Variants in PLCB4 observed in about 807,000 individuals in gnomAD.
The protein encoded by PLCB4 is phospholipase C beta 4.
PLCB4 carries 77 observed loss-of-function variants against 178.8 expected under a neutral mutation model. The ratio of observed to expected loss-of-function variants is 0.43; its 90% confidence interval spans 0.36 to 0.52. The LOEUF is 0.52. Ranked by LOEUF, PLCB4 falls within the 20% of genes least tolerant of loss-of-function variation. The probability of loss-of-function intolerance (pLI) is 0.00; values close to 1 mark genes in which losing one functional copy is unlikely to be tolerated. For synonymous variants in PLCB4, 496 were observed against 490.8 expected, an observed-to-expected ratio of 1.01 and a Z score of -0.14; for missense variants, 1,024 against 1,453.4, an observed-to-expected ratio of 0.70 and a Z score of 4.80.
At chr20:9,359,283 C>T (rs2148213981) in intron 7 of PLCB4, among the ~76,000 whole-genome samples, 2 of 152,084 alleles carry the variant, frequency 1.3e-5, no homozygotes, top group East Asian at 3.9e-4. Flanking sequence ...TTGGACAGGG[C>T]CTGGGGTGGT....
At chr20:9,182,521 G>A (rs748748560) in intron 2 of PLCB4, among the ~76,000 whole-genome samples, 7 of 152,204 alleles carry the variant, frequency 4.6e-5, no homozygotes, top group Non-Finnish European at 8.8e-5. Flanking sequence ...AGATGCATCT[G>A]TAGTATTTAC....
At chr20:9,076,591 C>G (rs561495228) in intron 1 of PLCB4, among the ~76,000 whole-genome samples, 1 of 152,298 alleles carries the variant, frequency 6.6e-6, no homozygotes, top group East Asian at 1.9e-4. Flanking sequence ...CACAAGATGT[C>G]CCCCCTGCTA....
chr20:9,346,295 A>G (rs192603886), intron 7 of PLCB4, among the ~76,000 whole-genome samples: 153 of 152,336 alleles, frequency 1.0e-3, no homozygotes, highest in Admixed American at 2.4e-3. Context: ...CAAGTTAGAG[A>G]ATCACTGCTA....
At chr20:9,296,805 CA>C (rs1251052069) in intron 3 of PLCB4, among the ~76,000 whole-genome samples, 1 of 150,796 alleles carries the variant, frequency 6.6e-6, no homozygotes, top group African/African-American at 2.4e-5. Context: ...GGGAATTGAA[CA>C]ATGAGAACAC....
intron 26 of PLCB4, 65 bp downstream of exon 26, chr20:9,419,974 T>A: frequency 1.0e-6 from 1 of 962,040 alleles, no homozygotes; most frequent in Non-Finnish European, 1.7e-6. Flanking sequence ...AAAGAAATTA[T>A]AAAATATTGA....
intron 18 of PLCB4, 93 bp from the exon 19 acceptor site, chr20:9,395,430 C>G (rs2148437095): frequency 1.2e-6 from 1 of 814,274 alleles, no homozygotes; most frequent in Non-Finnish European, 2.1e-6. Flanking sequence ...TTTCTTCTCT[C>G]TTTTCACGTC....
intron 32 of PLCB4, among the ~76,000 whole-genome samples, chr20:9,450,841 T>G (rs2042726205): frequency 6.6e-6 from 1 of 151,432 alleles, no homozygotes; most frequent in Admixed American, 6.6e-5. Flanking sequence ...TAGAGTTGGG[T>G]TTTTGCCATG....
chr20:9,411,705 T>G (rs995272430), intron 25 of PLCB4, among the ~76,000 whole-genome samples: 8 of 145,034 alleles, frequency 5.5e-5, no homozygotes, highest in Admixed American at 5.4e-4. Flanking sequence ...AATATAAAAT[T>G]AGAATTCTCT....
chr20:9,116,838 C>G (rs2091796815), intron 2 of PLCB4, among the ~76,000 whole-genome samples: 1 of 152,144 alleles, frequency 6.6e-6, no homozygotes, highest in Admixed American at 6.6e-5. Context: ...TATGCTGGCT[C>G]TAACTATTGA....
chr20:9,413,717 CT>C (rs2040036544), intron 25 of PLCB4, among the ~76,000 whole-genome samples: 1 of 149,766 alleles, frequency 6.7e-6, no homozygotes, highest in African/African-American at 2.5e-5. Context: ...CCTAGAATTT[CT>C]GCTTAGCCAT....
intron 3 of PLCB4, among the ~76,000 whole-genome samples, chr20:9,224,174 G>A (rs1390996013): frequency 6.6e-6 from 1 of 152,086 alleles, no homozygotes; most frequent in Non-Finnish European, 1.5e-5. Context: ...CTATTTTTGG[G>A]CAATATCATC....
intron 32 of PLCB4, among the ~76,000 whole-genome samples, chr20:9,446,458 C>T (rs1323783029): frequency 6.6e-6 from 1 of 152,222 alleles, no homozygotes; most frequent in Non-Finnish European, 1.5e-5. Flanking sequence ...ATTTTTAGAA[C>T]TTAACCTACA....
chr20:9,236,054 T>C (rs1255467667), intron 3 of PLCB4, among the ~76,000 whole-genome samples: 1 of 152,272 alleles, frequency 6.6e-6, no homozygotes, highest in Non-Finnish European at 1.5e-5. Flanking sequence ...AACAGGACAT[T>C]CCCAATATGC....
chr20:9,108,555 G>A (rs1381054808), intron 2 of PLCB4, among the ~76,000 whole-genome samples: 1 of 151,924 alleles, frequency 6.6e-6, no homozygotes, highest in African/African-American at 2.4e-5. Context: ...TGAATTCCTT[G>A]CTGAGGTATG....
rs148673907 is a variant in PLCB4, at chr20:9,201,289, C to T, written c.-78-16101C>T. On this transcript the variant is annotated intron_variant, in intron 2 of 39. Coordinates refer to ENST00000378473, the MANE Select transcript of PLCB4 (RefSeq NM_001377142.1). Reference sequence around the variant, plus strand: ...AAACTGCCTTTTATAATAAAATGTACCTGTGTGTATAGTACTGTATATATA... The same window carrying T: ...AAACTGCCTTTTATAATAAAATGTATCTGTGTGTATAGTACTGTATATATA... Among the ~76,000 whole-genome samples, 334 of 152,048 alleles carry T rather than the reference C, an allele frequency of 2.2e-3. 3 individuals carry two copies. The highest frequency in any genetic ancestry group is 7.4e-3 in the African/African-American group (305 of 41,480).
chr20:9,394,113 A>G (rs1048856584), intron 18 of PLCB4, among the ~76,000 whole-genome samples: 1 of 152,200 alleles, frequency 6.6e-6, no homozygotes, highest in African/African-American at 2.4e-5. Flanking sequence ...AGAGATCTAG[A>G]GACAAATGAT....
At position 9,274,451 on chromosome 20, in the gene PLCB4, C is replaced by G. The variant is rs2094434190; in HGVS notation, c.-15-33349C>G. 2.6e-5 allele frequency among the ~76,000 whole-genome samples: 4 copies of G among 152,172 alleles called. No individual in the cohort carries two copies. The South Asian group carries it at 8.3e-4, about 32-fold the overall frequency. On this transcript the variant is annotated intron_variant, in intron 3 of 39. Transcript: ENST00000378473. The stretch of plus-strand genomic sequence containing the variant: ...TCAGTATCTTAATGGGCACCATACT[C>G]CTTAGATATTAAGACTGAATCTGAC...
chr20:9,125,433 C>T (rs2146777085), intron 2 of PLCB4, among the ~76,000 whole-genome samples: 1 of 151,996 alleles, frequency 6.6e-6, no homozygotes, highest in Admixed American at 6.6e-5. Flanking sequence ...ACTTGTTCCA[C>T]ATTTTTAAAT....
intron 20 of PLCB4, among the ~76,000 whole-genome samples, chr20:9,404,093 A>C (rs1325973056): frequency 6.6e-6 from 1 of 152,276 alleles, no homozygotes; most frequent in East Asian, 1.9e-4. Flanking sequence ...TTTCGGATGA[A>C]TGAATCTGGA....
Sources: allele counts gnomAD v4.1 joint callset (sites outside exome capture counted in the v4.1 genomes callset), GRCh38; gene constraint gnomAD v4.1.1; transcripts MANE v1.5; gene names NCBI Gene and HGNC (gene_info 2026-07-23, HGNC 2026-07-21).